ARID1B: variants seen among roughly 807,000 people sequenced by gnomAD.
ARID1B encodes AT-rich interactive domain-containing protein 1B.
ARID1B carries 30 observed loss-of-function variants against 212.3 expected under a neutral mutation model. That is an observed-to-expected ratio of 0.14 (90% CI 0.11 to 0.19). The LOEUF is 0.19. Ranked by LOEUF, ARID1B falls within the 10% of genes least tolerant of loss-of-function variation. ARID1B has a pLI of 1.00. For synonymous variants in ARID1B, 1,402 were observed against 1,301.7 expected (o/e 1.08, Z -1.66); for missense variants, 2,891 against 3,204.0 (o/e 0.90, Z 2.36).
intron 5 of ARID1B, among the ~76,000 whole-genome samples, chr6:157,091,102 C>T (rs1178027291): frequency 6.6e-6 from 1 of 152,156 alleles, no homozygotes; most frequent in Non-Finnish European, 1.5e-5. Context: ...CTGAAGAAAT[C>T]GCTTGGTCAG....
chr6:156,922,413 TC>T (rs1270370024), intron 3 of ARID1B, among the ~76,000 whole-genome samples: 2 of 152,104 alleles, frequency 1.3e-5, no homozygotes, highest in African/African-American at 4.8e-5. Flanking sequence ...CCTTAAGTGA[TC>T]CGCCCGCCTC....
At chr6:157,156,948 C>T (rs1790617816) in intron 8 of ARID1B, among the ~76,000 whole-genome samples, 2 of 152,224 alleles carry the variant, frequency 1.3e-5, no homozygotes, top group African/African-American at 4.8e-5. Context: ...GCCGACCTGA[C>T]CCTGACTCAG....
chr6:156,947,051 T>C (rs1188523636), intron 4 of ARID1B, among the ~76,000 whole-genome samples: 2 of 152,258 alleles, frequency 1.3e-5, no homozygotes, highest in African/African-American at 4.8e-5. Flanking sequence ...TGTAGCAGAC[T>C]GTGTATAAAC....
At chr6:157,046,002 T>C (rs551768498) in intron 4 of ARID1B, among the ~76,000 whole-genome samples, 1 of 152,058 alleles carries the variant, frequency 6.6e-6, no homozygotes, top group East Asian at 1.9e-4. Flanking sequence ...AGCTCTTCTC[T>C]TCTTTTGTTA....
rs1782980633 is a variant in ARID1B, at chr6:156,829,361, A to G, written c.1926A>G (p.Pro642=). Residue 642 remains proline, a synonymous_variant, in exon 2 of 20, where the codon CCA becomes CCG. Transcript: ENST00000636930. ...GCCCTCCAGGCCCACAGCGGTATCC[A>G]ATTGGCATCCAGGGTCGGACTCCCG... The part of the protein sequence containing the change: ...SYGPPGPQRY[P]IGIQGRTPGA... 1 of 1,614,158 alleles carries G rather than the reference A, an allele frequency of 6.2e-7. No homozygotes were observed. Among genetic ancestry groups the G allele is most frequent in the East Asian group, 2.2e-5 (1 of 44,876 alleles).
intron 4 of ARID1B, among the ~76,000 whole-genome samples, chr6:157,026,781 G>C (rs1424451983): frequency 1.3e-5 from 2 of 152,098 alleles, no homozygotes; most frequent in Non-Finnish European, 2.9e-5. Flanking sequence ...CTCTTTATTA[G>C]CCAGGATTAC....
intron 4 of ARID1B, among the ~76,000 whole-genome samples, chr6:156,961,442 A>G (rs1214538036): frequency 6.6e-6 from 1 of 152,210 alleles, no homozygotes; most frequent in Non-Finnish European, 1.5e-5. Flanking sequence ...TGCTGTGGTG[A>G]TGCAGCCTTG....
chr6:157,015,057 C>T (rs187788001), intron 4 of ARID1B, among the ~76,000 whole-genome samples: 8 of 152,278 alleles, frequency 5.3e-5, no homozygotes, highest in South Asian at 2.1e-4. Context: ...TTTGATGCCA[C>T]GTGTCTTTTA....
intron 1 of ARID1B, among the ~76,000 whole-genome samples, chr6:156,812,141 C>G (rs1781595856): frequency 6.6e-6 from 1 of 152,156 alleles, no homozygotes; most frequent in African/African-American, 2.4e-5. Context: ...CTCTCTCTCT[C>G]TCTTATTTGA....
intron 6 of ARID1B, among the ~76,000 whole-genome samples, chr6:157,116,448 C>T (rs1412824640): frequency 6.7e-6 from 1 of 149,766 alleles, no homozygotes; most frequent in Non-Finnish European, 1.5e-5. Context: ...TCTGGATTCC[C>T]AAAATCAACA....
chr6:157,201,487 C>T lies in ARID1B; in HGVS notation c.5262C>T (p.Ile1754=), dbSNP rs550054527. The T allele has an allele frequency of 5.6e-5, 83 of 1,492,118 alleles. No individual in the cohort carries two copies. In the East Asian group the frequency reaches 1.8e-3, roughly 33 times the overall value. 92.4% of individuals were successfully genotyped at this position (1,492,118 alleles called of 1,614,324 possible). A position where few individuals can be genotyped will look rare whatever the true frequency, so the allele number is the denominator to read the frequency against. ...GGCGAAAGATTACCTCCAAAGATAT[C>T]GGTAAGAATTCCAAAGCTTTCATTC... ...KQRRKITSKD[I]VTPEAWRVMM... is the part of the protein sequence containing the mutation. Residue 1754 remains isoleucine (I), a splice_region_variant and synonymous_variant, in exon 18 of 20, where the codon ATC becomes ATT. Coordinates refer to ENST00000636930, the MANE Select transcript of ARID1B (RefSeq NM_001374828.1). This position sits in a 1 kb window ranked among gnomAD's most constrained non-coding sequence, Gnocchi z 5.2.
intron 1 of ARID1B, among the ~76,000 whole-genome samples, chr6:156,817,632 TA>T (rs551182557): frequency 1.3e-4 from 19 of 147,540 alleles, no homozygotes; most frequent in East Asian, 2.0e-4. Context: ...GTCTGACTCT[TA>T]AAAAAAAAAA....
chr6:156,823,626 A>G lies in ARID1B; in HGVS notation c.1792-5601A>G, dbSNP rs549379521. 4.6e-5 allele frequency among the ~76,000 whole-genome samples: 7 copies of G among 151,020 alleles called. No homozygotes were observed. In the South Asian group the frequency reaches 1.5e-3, roughly 32 times the overall value. On this transcript the variant is annotated intron_variant, in intron 1 of 19. Coordinates refer to ENST00000636930, the MANE Select transcript of ARID1B (RefSeq NM_001374828.1). ...TTCTATCAGCTCTTGTTTAATCCAC[A>G]TGTGTAGAAATGATTTTAGATCAAC... is the stretch of plus-strand genomic sequence containing the variant.
intron 15 of ARID1B, chr6:157,193,391 G>C (rs1179913451): frequency 6.6e-6 from 1 of 152,128 alleles, no homozygotes; most frequent in East Asian, 1.9e-4. Flanking sequence ...GAGTATCTCA[G>C]CTTTTACAGT....
rs1273287334 is a variant in ARID1B, at chr6:157,039,646, TTTCCTTCCTTCC to T, written c.2248-44976_2248-44965del. 6.5e-3 allele frequency among the ~76,000 whole-genome samples: 385 copies of T among 59,302 alleles called. 8 individuals are homozygous for T. Among genetic ancestry groups the T allele is most frequent in the African/African-American group, 0.016 (223 of 14,066 alleles). The allele number at this position is 59,302 out of a possible 152,430, so 38.9% of individuals were successfully genotyped here. A position where few individuals can be genotyped will look rare whatever the true frequency, so the allele number is the denominator to read the frequency against. On this transcript the variant is annotated intron_variant, in intron 4 of 19. Transcript: ENST00000636930. ...CCTTCCTTCCTTCCTTCCTTCCTTC[TTTCCTTCCTTCC>T]TTCCTTCCTTCCTTCCTTCCTTCCT...
intron 4 of ARID1B, among the ~76,000 whole-genome samples, chr6:156,959,938 T>TTC (rs1308703323): frequency 6.7e-6 from 1 of 148,242 alleles, no homozygotes; most frequent in Non-Finnish European, 1.5e-5. Flanking sequence ...TTTTTTTTTT[T>TTC]TTTTTTTCTC....
intron 4 of ARID1B, among the ~76,000 whole-genome samples, chr6:156,947,947 A>G (rs769103601): frequency 7.0e-4 from 106 of 152,160 alleles, no homozygotes; most frequent in Non-Finnish European, 1.4e-3. Context: ...ACGAAAACAG[A>G]GACTCCAGAA....
At chr6:157,193,776 G>A (rs1482432893) in intron 15 of ARID1B, 1 of 152,202 alleles carries the variant, frequency 6.6e-6, no homozygotes, top group Non-Finnish European at 1.5e-5. Flanking sequence ...CTCACTTGCT[G>A]GAGCCCTCTT....
intron 11 of ARID1B, among the ~76,000 whole-genome samples, chr6:157,179,937 T>G (rs760110951): frequency 6.6e-6 from 1 of 152,166 alleles, no homozygotes; most frequent in Non-Finnish European, 1.5e-5. Flanking sequence ...GAAAAAAAAC[T>G]TAAGAATTCT....
Sources: allele counts gnomAD v4.1 joint callset (sites outside exome capture counted in the v4.1 genomes callset), GRCh38; gene constraint gnomAD v4.1.1; non-coding constraint Gnocchi (gnomAD v3.1); transcripts MANE v1.5; gene names NCBI Gene and HGNC (gene_info 2026-07-23, HGNC 2026-07-21).